The following GARIN2 variants were observed in gnomAD, a reference collection of about 807,000 sequenced individuals.
GARIN2 encodes golgi associated RAB2 interactor family member 2.
the GARIN2 span, chr14:67,204,458 T>C: frequency 4.1e-6 from 5 of 1,214,554 alleles, no homozygotes; most frequent in African/African-American, 4.7e-5. Flanking sequence ...AACAAACAAA[T>C]ATATATATAT....
chr14:67,197,997 T>G, the GARIN2 span: 1 of 713,040 alleles, frequency 1.4e-6, no homozygotes, highest in Non-Finnish European at 2.3e-6. Flanking sequence ...TAGATGTATG[T>G]ATTAATACAA....
At chr14:67,225,221 A>G in the GARIN2 span, 4 of 1,530,578 alleles carry the variant, frequency 2.6e-6, no homozygotes, top group Non-Finnish European at 3.5e-6. Flanking sequence ...AAAGTAAAAC[A>G]GAAAAAGACA....
chr14:67,219,386 T>A, the GARIN2 span, among the ~76,000 whole-genome samples: 1 of 152,166 alleles, frequency 6.6e-6, no homozygotes, highest in Non-Finnish European at 1.5e-5. Flanking sequence ...CACAGACATG[T>A]CTCTGCTCCC....
At chr14:67,193,556 G>T in the GARIN2 span, among the ~76,000 whole-genome samples, 8 of 139,788 alleles carry the variant, frequency 5.7e-5, no homozygotes, top group African/African-American at 1.6e-4. Flanking sequence ...TCTATATATA[G>T]ATCTATATCT....
At chr14:67,225,238 A>T in the GARIN2 span, 2 of 1,521,940 alleles carry the variant, frequency 1.3e-6, no homozygotes, top group South Asian at 1.3e-5. Context: ...GACAAAGTTG[A>T]TGGAAAAACA....
At chr14:67,202,067 C>A in the GARIN2 span, among the ~76,000 whole-genome samples, 1 of 152,204 alleles carries the variant, frequency 6.6e-6, no homozygotes, top group Non-Finnish European at 1.5e-5. Flanking sequence ...GAGTCCATAT[C>A]CAGGGGTGTG....
the GARIN2 span, among the ~76,000 whole-genome samples, chr14:67,192,200 T>C: frequency 3.9e-5 from 6 of 152,084 alleles, no homozygotes; most frequent in South Asian, 1.0e-3. Flanking sequence ...AGGCAAACAT[T>C]GTTGGAAAAA....
chr14:67,226,935 G>A, the GARIN2 span, among the ~76,000 whole-genome samples: 1 of 152,146 alleles, frequency 6.6e-6, no homozygotes, highest in South Asian at 2.1e-4. Context: ...CACCTAGACA[G>A]AGTCTGAAGC....
the GARIN2 span, among the ~76,000 whole-genome samples, chr14:67,194,555 G>C: frequency 4.6e-5 from 7 of 152,020 alleles, no homozygotes; most frequent in Non-Finnish European, 1.5e-5. Flanking sequence ...ACACAGGCTA[G>C]AGTGCAGTGG....
At chr14:67,199,936 G>C in the GARIN2 span, 424 of 1,436,046 alleles carry the variant, frequency 3.0e-4, 6 homozygotes, top group South Asian at 5.9e-3. Flanking sequence ...ACACTCCCAA[G>C]CTCACCCATT....
chr14:67,193,824 A>G, the GARIN2 span, among the ~76,000 whole-genome samples: 7 of 150,112 alleles, frequency 4.7e-5, no homozygotes, highest in African/African-American at 1.2e-4. Context: ...GTGTACCTGT[A>G]ATGCCAACTA....
chr14:67,225,981 A>ATGCGCG, the GARIN2 span, among the ~76,000 whole-genome samples: 1 of 117,466 alleles, frequency 8.5e-6, no homozygotes, highest in African/African-American at 2.8e-5. Flanking sequence ...GCGCGTGCGC[A>ATGCGCG]TGCGCGTGCA....
At chr14:67,220,433 C>A in the GARIN2 span, among the ~76,000 whole-genome samples, 2 of 150,986 alleles carry the variant, frequency 1.3e-5, no homozygotes, top group African/African-American at 2.4e-5. Flanking sequence ...CAGAGAGAGA[C>A]CTTTTCTCAG....
chr14:67,199,979 C>T, the GARIN2 span: 1 of 1,141,800 alleles, frequency 8.8e-7, no homozygotes, highest in Non-Finnish European at 1.2e-6. Flanking sequence ...CCAGGGATGT[C>T]TCAGATGCAG....
the GARIN2 span, among the ~76,000 whole-genome samples, chr14:67,208,853 C>T: frequency 2.7e-5 from 4 of 148,480 alleles, no homozygotes; most frequent in Non-Finnish European, 5.9e-5. Flanking sequence ...GCCAAGATCA[C>T]GCTACTGCAT....
the GARIN2 span, among the ~76,000 whole-genome samples, chr14:67,207,603 G>A: frequency 1.9e-4 from 29 of 152,194 alleles, no homozygotes; most frequent in Admixed American, 6.5e-4. Flanking sequence ...GTGCAGACAT[G>A]AAGGACATTA....
At chr14:67,198,079 CTTAA>C in the GARIN2 span, 8 of 1,511,464 alleles carry the variant, frequency 5.3e-6, no homozygotes, top group Non-Finnish European at 7.1e-6. Flanking sequence ...AATGAAGCAA[CTTAA>C]TTATGATATT....
the GARIN2 span, among the ~76,000 whole-genome samples, chr14:67,193,060 ATATC>A: frequency 8.7e-4 from 126 of 144,794 alleles, 1 homozygote; most frequent in South Asian, 4.0e-3. Context: ...ATATATCTCT[ATATC>A]TATATATATC....
chr14:67,213,330 A>T, the GARIN2 span, among the ~76,000 whole-genome samples: 1 of 100,644 alleles, frequency 9.9e-6, no homozygotes, highest in African/African-American at 4.0e-5. Context: ...CCACCCCACA[A>T]CAGTCCCTGG....
Sources: gnomAD v4.1 joint callset for allele counts (sites outside exome capture counted in the v4.1 genomes callset) on GRCh38, gnomAD v4.1.1 for gene constraint, MANE v1.5 for transcripts, NCBI Gene and HGNC (gene_info 2026-07-23, HGNC 2026-07-21) for gene names.